Variants in FAM135B observed in about 807,000 individuals in gnomAD.
FAM135B encodes family with sequence similarity 135 member B, also known as protein FAM135B.
Under a neutral mutation model 127.7 loss-of-function variants are expected in FAM135B, and 43 were observed. That is an observed-to-expected ratio of 0.34 (90% CI 0.26 to 0.43). The LOEUF (loss-of-function observed/expected upper bound fraction) is 0.43. FAM135B is among the 20% of genes least tolerant of loss of function. FAM135B has a pLI of 1.00. For missense variants in FAM135B, 1,558 were observed against 1,725.6 expected (o/e 0.90, Z 1.72); for synonymous variants, 670 against 665.1 (o/e 1.01, Z -0.11).
At chr8:138,435,001 G>A (rs911509137) in intron 1 of FAM135B, among the ~76,000 whole-genome samples, 37 of 152,110 alleles carry the variant, frequency 2.4e-4, no homozygotes, top group Admixed American at 1.4e-3. Flanking sequence ...TTTCAATCTT[G>A]CAAGTGTGGC....
At chr8:138,136,278 C>A (rs1816656197) in intron 19 of FAM135B, among the ~76,000 whole-genome samples, 1 of 151,830 alleles carries the variant, frequency 6.6e-6, no homozygotes. Flanking sequence ...TTGATAGTAC[C>A]TTAAAATATA....
chr8:138,336,002 G>T (rs533612021), intron 2 of FAM135B, among the ~76,000 whole-genome samples: 5 of 152,224 alleles, frequency 3.3e-5, no homozygotes, highest in Admixed American at 6.5e-5. Context: ...GCTCCTGAAT[G>T]ACTACTGGGT....
At chr8:138,337,362 C>A (rs36080923) in intron 2 of FAM135B, among the ~76,000 whole-genome samples, 4 of 151,750 alleles carry the variant, frequency 2.6e-5, no homozygotes, top group Non-Finnish European at 4.4e-5. Flanking sequence ...GAAAACCCCA[C>A]TGTCTCAGCC....
At chr8:138,169,977 A>G (rs887833374) in intron 11 of FAM135B, among the ~76,000 whole-genome samples, 26 of 152,324 alleles carry the variant, frequency 1.7e-4, no homozygotes, top group Non-Finnish European at 3.1e-4. Flanking sequence ...TAAAGGGTAC[A>G]TAGGAATCAG....
chr8:138,153,599 T>A (rs1297310048), intron 12 of FAM135B, among the ~76,000 whole-genome samples: 1 of 152,208 alleles, frequency 6.6e-6, no homozygotes, highest in Non-Finnish European at 1.5e-5. Flanking sequence ...AATACTGCAC[T>A]TTTCCAACTG....
At chr8:138,403,207 A>T (rs766773591) in intron 1 of FAM135B, among the ~76,000 whole-genome samples, 3 of 152,140 alleles carry the variant, frequency 2.0e-5, no homozygotes, top group Non-Finnish European at 4.4e-5. Flanking sequence ...CCAATGAGAC[A>T]ACTCCTTACC....
chr8:138,296,836 T>A (rs1040666242), intron 3 of FAM135B, among the ~76,000 whole-genome samples: 2 of 152,208 alleles, frequency 1.3e-5, no homozygotes, highest in Non-Finnish European at 2.9e-5. Flanking sequence ...TTGATTTTTT[T>A]AATAAAAATT....
chr8:138,342,405 A>G (rs770254785), intron 2 of FAM135B, among the ~76,000 whole-genome samples: 11 of 152,208 alleles, frequency 7.2e-5, no homozygotes, highest in Non-Finnish European at 1.6e-4. Context: ...CCTCAAAATC[A>G]GCAAAGGCAG....
chr8:138,436,907 TTC>T (rs1344065911), intron 1 of FAM135B: 1 of 152,248 alleles, frequency 6.6e-6, no homozygotes, highest in East Asian at 1.9e-4. Context: ...TCTTCTCATA[TTC>T]TGAGAGGTTG....
intron 11 of FAM135B, among the ~76,000 whole-genome samples, chr8:138,174,757 T>C (rs143131397): frequency 0.012 from 1,782 of 152,272 alleles, 19 homozygotes; most frequent in Middle Eastern, 0.054. Context: ...CACTCAACCA[T>C]CACCTTCTCC....
chr8:138,318,177 C>A (rs936104500), intron 2 of FAM135B, among the ~76,000 whole-genome samples: 1 of 152,130 alleles, frequency 6.6e-6, no homozygotes, highest in Non-Finnish European at 1.5e-5. Context: ...TCCTCATGGG[C>A]CAATAATTGG....
intron 9 of FAM135B, among the ~76,000 whole-genome samples, chr8:138,188,871 G>C (rs1439790824): frequency 6.6e-6 from 1 of 152,182 alleles, no homozygotes; most frequent in Non-Finnish European, 1.5e-5. Context: ...GGTAGACTTA[G>C]TGACACATCA....
chr8:138,266,640 TA>T (rs1822954840), intron 3 of FAM135B, among the ~76,000 whole-genome samples: 1 of 148,706 alleles, frequency 6.7e-6, no homozygotes, highest in African/African-American at 2.5e-5. Flanking sequence ...TATATATACG[TA>T]TATATACATA....
At chr8:138,376,322 ACTT>A (rs1831468542) in intron 1 of FAM135B, among the ~76,000 whole-genome samples, 1 of 151,920 alleles carries the variant, frequency 6.6e-6, no homozygotes, top group South Asian at 2.1e-4. Flanking sequence ...CTCAAATTCA[ACTT>A]CTTATCTCCG....
intron 1 of FAM135B, among the ~76,000 whole-genome samples, chr8:138,453,396 CCT>C (rs141099830): frequency 0.045 from 6,815 of 151,338 alleles, 277 homozygotes; most frequent in African/African-American, 0.11. Context: ...AATTCCTGCC[CCT>C]GTCTTCTCTC....
At chr8:138,396,652 T>G (rs878898545) in intron 1 of FAM135B, among the ~76,000 whole-genome samples, 3 of 152,166 alleles carry the variant, frequency 2.0e-5, no homozygotes, top group Admixed American at 2.0e-4. Flanking sequence ...ATCTGGCCAA[T>G]AGTACATGGA....
chr8:138,425,943 G>A (rs1355246425), intron 1 of FAM135B, among the ~76,000 whole-genome samples: 1 of 136,576 alleles, frequency 7.3e-6, no homozygotes, highest in African/African-American at 2.6e-5. Flanking sequence ...GAAGTCAGGA[G>A]TTCGAGACCA....
chr8:138,252,943 G>A (rs1821806557), intron 5 of FAM135B, among the ~76,000 whole-genome samples: 1 of 152,128 alleles, frequency 6.6e-6, no homozygotes, highest in South Asian at 2.1e-4. Context: ...GGGATTACAA[G>A]TGTGCACCAC....
chr8:138,249,406 G>A (rs1821537173), intron 6 of FAM135B, among the ~76,000 whole-genome samples: 1 of 152,114 alleles, frequency 6.6e-6, no homozygotes, highest in African/African-American at 2.4e-5. Context: ...ATATGCGAAT[G>A]GGCCCACTTC....
Sources: gnomAD v4.1 joint callset for allele counts (sites outside exome capture counted in the v4.1 genomes callset) on GRCh38, gnomAD v4.1.1 for gene constraint, MANE v1.5 for transcripts, NCBI Gene and HGNC (gene_info 2026-07-23, HGNC 2026-07-21) for gene names.